Variants in ST18 observed in about 807,000 individuals in gnomAD.
ST18 encodes the protein ST18 C2H2C-type zinc finger transcription factor.
Under a neutral mutation model 110.0 loss-of-function variants are expected in ST18, and 50 were observed. The ratio of observed to expected loss-of-function variants is 0.45; its 90% CI spans 0.36 to 0.58. The LOEUF is 0.58. ST18 is among the 20% of genes least tolerant of loss of function. The pLI is 0.00. For missense variants in ST18, 1,306 were observed against 1,280.1 expected (o/e 1.02, Z -0.31); for synonymous variants, 461 against 452.4 (o/e 1.02, Z -0.24).
chr8:52,132,905 C>T, intron 21 of ST18, 152 bp downstream of exon 21: 1 of 856,858 alleles, frequency 1.2e-6, no homozygotes, highest in African/African-American at 1.7e-5. Flanking sequence ...GGAAACTTTT[C>T]TCAAACCACC....
rs117418881 is a variant in ST18, at chr8:52,257,376, C to A, written c.-464-27299G>T. ...AACTGCTAAATAGTTTTTCAATGTG[C>A]CTGCACAATATACCTTTCCCCCAGC... On this transcript the variant is annotated intron_variant, in intron 2 of 25. Coordinates refer to ENST00000689386, the MANE Select transcript of ST18 (RefSeq NM_001352837.2). 5.9e-5 allele frequency among the ~76,000 whole-genome samples: 9 copies of A among 152,246 alleles called. No homozygotes were observed. The East Asian group carries it at 1.7e-3, about 29-fold the overall frequency.
At chr8:52,236,635 A>G (rs2092721338) in intron 2 of ST18, among the ~76,000 whole-genome samples, 1 of 150,948 alleles carries the variant, frequency 6.6e-6, no homozygotes, top group Admixed American at 6.6e-5. Context: ...AAAAAACTAT[A>G]TCTGATGCCA....
chr8:52,171,774 T>C lies in ST18; in HGVS notation c.1069+18A>G, dbSNP rs377658202. On this transcript the variant is annotated intron_variant, in intron 10 of 25. Coordinates refer to ENST00000689386, the MANE Select transcript of ST18 (RefSeq NM_001352837.2). ...AATGCACTTTTATTCCTAAAATAAATGCAAAAATGTGTCTTACGTTTATTG... is the reference window on the plus strand; with the variant it reads ...AATGCACTTTTATTCCTAAAATAAACGCAAAAATGTGTCTTACGTTTATTG... The C allele has an allele frequency of 3.0e-5, 48 of 1,601,818 alleles. No individual in the cohort carries two copies. Among genetic ancestry groups the C allele is most frequent in the Non-Finnish European group, 3.8e-5 (45 of 1,173,750 alleles).
At chr8:52,232,830 A>G (rs1219049050) in intron 2 of ST18, among the ~76,000 whole-genome samples, 2 of 151,898 alleles carry the variant, frequency 1.3e-5, no homozygotes, top group Admixed American at 1.3e-4. Context: ...GCGTCTCTAA[A>G]CAGCAAGTCA....
At chr8:52,255,187 C>A (rs1039598930) in intron 2 of ST18, among the ~76,000 whole-genome samples, 2 of 152,114 alleles carry the variant, frequency 1.3e-5, no homozygotes, top group African/African-American at 4.8e-5. Context: ...GGTCTCTGTG[C>A]GGCCCGGAGT....
intron 2 of ST18, among the ~76,000 whole-genome samples, chr8:52,318,345 G>C (rs939996795): frequency 2.6e-5 from 4 of 152,080 alleles, no homozygotes; most frequent in Non-Finnish European, 4.4e-5. Flanking sequence ...AAACCACAAT[G>C]AGATACCATC....
intron 2 of ST18, among the ~76,000 whole-genome samples, chr8:52,265,384 C>T (rs897934611): frequency 6.6e-6 from 1 of 152,124 alleles, no homozygotes; most frequent in Non-Finnish European, 1.5e-5. Flanking sequence ...TGGGAGGGCT[C>T]CAGCTAGAGG....
At chr8:52,166,397 A>G (rs1364138155) in intron 11 of ST18, among the ~76,000 whole-genome samples, 1 of 152,132 alleles carries the variant, frequency 6.6e-6, no homozygotes, top group East Asian at 1.9e-4. Flanking sequence ...TTCTGCCCTG[A>G]TTGCTCCAGA....
chr8:52,130,119 A>AAAAGAAAGAAAGAATG (rs2048793557), intron 22 of ST18, among the ~76,000 whole-genome samples: 1 of 105,164 alleles, frequency 9.5e-6, no homozygotes, highest in African/African-American at 4.1e-5. Flanking sequence ...AGAAAGAAAG[A>AAAAGAAAGAAAGAATG]AAAGAAAGAA....
intron 2 of ST18, among the ~76,000 whole-genome samples, chr8:52,360,552 A>G (rs1269834715): frequency 6.6e-6 from 1 of 152,170 alleles, no homozygotes; most frequent in African/African-American, 2.4e-5. Flanking sequence ...AAAATATAGA[A>G]GGACATGATG....
At chr8:52,224,448 T>C (rs1395072670) in intron 3 of ST18, among the ~76,000 whole-genome samples, 2 of 152,218 alleles carry the variant, frequency 1.3e-5, no homozygotes, top group Non-Finnish European at 2.9e-5. Context: ...ATATACTTTG[T>C]TGGCTGGAGC....
chr8:52,209,810 T>TATATATATAC (rs1491569273), intron 8 of ST18, among the ~76,000 whole-genome samples: 1 of 140,560 alleles, frequency 7.1e-6, no homozygotes, highest in African/African-American at 2.6e-5. Context: ...TATATATATA[T>TATATATATAC]ACATGCTTAT....
At chr8:52,303,846 G>A (rs981549738) in intron 2 of ST18, among the ~76,000 whole-genome samples, 11 of 152,182 alleles carry the variant, frequency 7.2e-5, no homozygotes, top group Admixed American at 1.3e-4. Flanking sequence ...GGATTGAATC[G>A]TTTTCTTGTA....
intron 8 of ST18, 32 bp downstream of exon 8, chr8:52,212,047 G>A: frequency 1.3e-6 from 2 of 1,594,922 alleles, no homozygotes; most frequent in South Asian, 1.1e-5. Flanking sequence ...GCCCATTAAT[G>A]TGAAAAAAAA....
chr8:52,273,690 AT>A (rs2095148269), intron 2 of ST18, among the ~76,000 whole-genome samples: 2 of 152,200 alleles, frequency 1.3e-5, no homozygotes, highest in Admixed American at 1.3e-4. Context: ...AACTAATTTA[AT>A]TTTCCATAAG....
chr8:52,146,620 C>A (rs1048872558), intron 16 of ST18, among the ~76,000 whole-genome samples: 1 of 152,054 alleles, frequency 6.6e-6, no homozygotes, highest in East Asian at 1.9e-4. Context: ...TGAGACATTG[C>A]GTATAAAGGT....
At chr8:52,221,815 A>T (rs1374957656) in intron 3 of ST18, 22 bp from the exon 4 acceptor site, 1 of 152,024 alleles carries the variant, frequency 6.6e-6, no homozygotes, top group Non-Finnish European at 1.5e-5. Context: ...TGGAGATAAA[A>T]CTCTCAAGTG....
chr8:52,371,029 T>C (rs1190042510), intron 2 of ST18, among the ~76,000 whole-genome samples: 1 of 152,246 alleles, frequency 6.6e-6, no homozygotes, highest in East Asian at 1.9e-4. Flanking sequence ...ACAACACTTA[T>C]GTGCCTGCTA....
chr8:52,264,621 T>C (rs1434795163), intron 2 of ST18, among the ~76,000 whole-genome samples: 1 of 152,228 alleles, frequency 6.6e-6, no homozygotes, highest in African/African-American at 2.4e-5. Context: ...ATGGTTTGAA[T>C]GATTAGAATT....
Sources: allele counts gnomAD v4.1 joint callset (sites outside exome capture counted in the v4.1 genomes callset), GRCh38; gene constraint gnomAD v4.1.1; transcripts MANE v1.5; gene names NCBI Gene and HGNC (gene_info 2026-07-23, HGNC 2026-07-21).